FBXO16: variants seen among roughly 807,000 people sequenced by gnomAD.
FBXO16 encodes the protein F-box only protein 16.
FBXO16 carries 31 observed loss-of-function variants against 41.0 expected under a neutral mutation model. That is an observed-to-expected ratio of 0.76 (90% CI 0.57 to 1.02). The LOEUF is 1.02. Among genes scored for constraint, FBXO16 ranks in the 50% least tolerant of loss-of-function variants. The probability of loss-of-function intolerance (pLI) is 0.00; values close to 1 mark genes in which losing one functional copy is unlikely to be tolerated. For missense variants in FBXO16, 361 were observed against 346.2 expected (o/e 1.04, Z -0.34); for synonymous variants, 133 against 117.8 (o/e 1.13, Z -0.84).
intron 3 of FBXO16, among the ~76,000 whole-genome samples, chr8:28,473,025 C>T (rs1184282026): frequency 6.6e-6 from 1 of 152,150 alleles, no homozygotes; most frequent in African/African-American, 2.4e-5. Flanking sequence ...CTTTATTCCA[C>T]AGAAATCTGG....
intron 4 of FBXO16, among the ~76,000 whole-genome samples, chr8:28,462,579 C>T (rs866725229): frequency 2.0e-5 from 3 of 152,108 alleles, no homozygotes; most frequent in Non-Finnish European, 4.4e-5. Flanking sequence ...CGCCCGGCCC[C>T]GCATTCATTT....
chr8:28,466,553 AG>A (rs1285729936), intron 3 of FBXO16, among the ~76,000 whole-genome samples: 3 of 151,600 alleles, frequency 2.0e-5, no homozygotes, highest in Non-Finnish European at 4.4e-5. Context: ...GCACTTTGGG[AG>A]GCCGAGGTGG....
At chr8:28,442,013 A>T (rs1585894417) in intron 7 of FBXO16, among the ~76,000 whole-genome samples, 1 of 139,158 alleles carries the variant, frequency 7.2e-6, no homozygotes, top group Admixed American at 7.8e-5. Flanking sequence ...GCGCGATCTC[A>T]GCTCACTGCA....
chr8:28,448,340 C>CAA (rs56323338), intron 6 of FBXO16, among the ~76,000 whole-genome samples: 1,319 of 49,916 alleles, frequency 0.026, 35 homozygotes, highest in African/African-American at 0.082. Context: ...GACCCTAAAT[C>CAA]AAAAAAAAAA....
rs748045663 is a variant in FBXO16, at chr8:28,483,457, G to C, written c.-11C>G. The C allele has an allele frequency of 3.9e-5, 62 of 1,606,204 alleles. No homozygotes were observed. Among genetic ancestry groups the C allele is most frequent in the Non-Finnish European group, 4.9e-5 (58 of 1,174,694 alleles). On this transcript the variant is annotated 5_prime_UTR_variant, in exon 2 of 9. The change creates a new upstream start codon in the 5' untranslated region. Coordinates refer to ENST00000380254, the MANE Select transcript of FBXO16 (RefSeq NM_172366.4). Reference sequence around the variant, plus strand: ...TGCAAATGCCATCATGAAACAACTGGATATCCTTCCATAAGAAAAACAACA... The same window carrying C: ...TGCAAATGCCATCATGAAACAACTGCATATCCTTCCATAAGAAAAACAACA...
intron 7 of FBXO16, among the ~76,000 whole-genome samples, chr8:28,432,113 A>G (rs981754758): frequency 2.0e-5 from 3 of 146,984 alleles, no homozygotes; most frequent in African/African-American, 7.6e-5. Flanking sequence ...TATATATGTG[A>G]GAGGCTATGT....
intron 4 of FBXO16, among the ~76,000 whole-genome samples, chr8:28,459,899 T>C (rs1001985133): frequency 6.7e-6 from 1 of 150,256 alleles, no homozygotes; most frequent in Non-Finnish European, 1.5e-5. Context: ...TGGTGGCGCA[T>C]GCTGTAATCT....
At chr8:28,455,261 A>G (rs1346872848) in intron 5 of FBXO16, among the ~76,000 whole-genome samples, 1 of 149,446 alleles carries the variant, frequency 6.7e-6, no homozygotes, top group African/African-American at 2.5e-5. Context: ...TTTTTTTGAG[A>G]CAGAGTATTG....
intron 5 of FBXO16, among the ~76,000 whole-genome samples, chr8:28,454,723 G>A (rs1377866095): frequency 2.0e-4 from 13 of 63,786 alleles, no homozygotes; most frequent in African/African-American, 9.6e-4. Context: ...GCAAGACTCC[G>A]TCTTAAAAAA....
At chr8:28,450,199 T>A (rs949867025) in intron 6 of FBXO16, among the ~76,000 whole-genome samples, 2 of 152,064 alleles carry the variant, frequency 1.3e-5, no homozygotes, top group Non-Finnish European at 2.9e-5. Flanking sequence ...AACAAGGGTG[T>A]CAAGACTATT....
At chr8:28,479,641 T>C (rs749705814) in intron 2 of FBXO16, among the ~76,000 whole-genome samples, 1 of 152,232 alleles carries the variant, frequency 6.6e-6, no homozygotes, top group African/African-American at 2.4e-5. Flanking sequence ...TAAACTGTTA[T>C]ATAAACTGTG....
intron 3 of FBXO16, among the ~76,000 whole-genome samples, chr8:28,466,730 A>G (rs1189070995): frequency 6.6e-6 from 1 of 151,998 alleles, no homozygotes; most frequent in African/African-American, 2.4e-5. Flanking sequence ...GCCAAAAGGA[A>G]GGTGAGAGGC....
chr8:28,449,947 G>T (rs1014845297), intron 6 of FBXO16, among the ~76,000 whole-genome samples: 2 of 149,416 alleles, frequency 1.3e-5, no homozygotes, highest in African/African-American at 2.5e-5. Flanking sequence ...ACTCCAGCCT[G>T]GGTGACAGAG....
At chr8:28,479,901 T>C (rs1418320979) in intron 2 of FBXO16, among the ~76,000 whole-genome samples, 1 of 140,664 alleles carries the variant, frequency 7.1e-6, no homozygotes, top group African/African-American at 2.6e-5. Context: ...TTTATTTTAC[T>C]TTTTTTTTTT....
In FBXO16 at chr8:28,456,934, G is replaced by A. The variant is rs746464777; in HGVS notation, c.343-4C>T. The A allele has an allele frequency of 4.3e-6, 7 of 1,609,932 alleles. No individual in the cohort carries two copies. ...GGTTCTTCCAATGCCAGCACACCTG[G>A]AAAAACAATTACAATTAAACAAAAC... On this transcript the variant is annotated splice_polypyrimidine_tract_variant and splice_region_variant and intron_variant, in intron 4 of 8. Coordinates refer to ENST00000380254, the MANE Select transcript of FBXO16 (RefSeq NM_172366.4).
At chr8:28,446,486 A>G (rs893450119) in intron 7 of FBXO16, among the ~76,000 whole-genome samples, 1 of 151,444 alleles carries the variant, frequency 6.6e-6, no homozygotes, top group African/African-American at 2.4e-5. Context: ...ATGCACTTAG[A>G]TGAGGAGAAC....
At chr8:28,429,961 C>T (rs1257775777) in intron 7 of FBXO16, among the ~76,000 whole-genome samples, 1 of 152,212 alleles carries the variant, frequency 6.6e-6, no homozygotes, top group Non-Finnish European at 1.5e-5. Context: ...TTATTATTGA[C>T]TTCTCTGGCT....
chr8:28,473,890 C>T (rs559786613), intron 2 of FBXO16, 83 bp from the exon 3 acceptor site: 25 of 1,013,370 alleles, frequency 2.5e-5, no homozygotes, highest in Admixed American at 7.0e-5. Flanking sequence ...ATTAAGGGAT[C>T]GGTGAATAAA....
chr8:28,436,837 G>A (rs1291724485), intron 7 of FBXO16, among the ~76,000 whole-genome samples: 3 of 152,080 alleles, frequency 2.0e-5, no homozygotes, highest in South Asian at 2.1e-4. Context: ...CTGCAGCCTC[G>A]ACCTCTCAGG....
Sources: gnomAD v4.1 joint callset for allele counts (sites outside exome capture counted in the v4.1 genomes callset) on GRCh38, gnomAD v4.1.1 for gene constraint, MANE v1.5 for transcripts, NCBI Gene and HGNC (gene_info 2026-07-23, HGNC 2026-07-21) for gene names.